KCNIP4: variants seen among roughly 807,000 people sequenced by gnomAD.
KCNIP4 encodes Kv channel-interacting protein 4.
KCNIP4 carries 12 observed loss-of-function variants against 34.0 expected under a neutral mutation model. The ratio of observed to expected loss-of-function variants is 0.35; its 90% confidence interval spans 0.23 to 0.57. KCNIP4 has a LOEUF of 0.57. Ranked by LOEUF, KCNIP4 falls within the 20% of genes least tolerant of loss-of-function variation. The pLI is 0.83. For synonymous variants in KCNIP4, 124 were observed against 102.2 expected, an observed-to-expected ratio of 1.21 and a Z score of -1.29; for missense variants, 238 against 311.7, an observed-to-expected ratio of 0.76 and a Z score of 1.78.
chr4:21,485,262 T>A (rs1004214548), intron 1 of KCNIP4, among the ~76,000 whole-genome samples: 2 of 152,144 alleles, frequency 1.3e-5, no homozygotes, highest in African/African-American at 2.4e-5. Context: ...TTTAAAAAAA[T>A]TATTAAATGC....
intron 1 of KCNIP4, among the ~76,000 whole-genome samples, chr4:21,421,963 T>C (rs1725488099): frequency 6.6e-6 from 1 of 152,216 alleles, no homozygotes; most frequent in African/African-American, 2.4e-5. Context: ...TTCAATATTA[T>C]CTGTAGTCTC....
intron 1 of KCNIP4, among the ~76,000 whole-genome samples, chr4:21,243,271 A>G (rs1759984140): frequency 6.6e-6 from 1 of 152,176 alleles, no homozygotes; most frequent in Non-Finnish European, 1.5e-5. Context: ...TACAATAAAG[A>G]CTTCAAAGTA....
intron 3 of KCNIP4, among the ~76,000 whole-genome samples, chr4:20,763,625 T>G (rs1201506449): frequency 6.6e-6 from 1 of 152,104 alleles, no homozygotes; most frequent in Non-Finnish European, 1.5e-5. Context: ...AATGCAGATT[T>G]GTAAAGAGTT....
chr4:21,578,190 C>T (rs1740895054), intron 1 of KCNIP4, among the ~76,000 whole-genome samples: 1 of 151,758 alleles, frequency 6.6e-6, no homozygotes, highest in African/African-American at 2.4e-5. Context: ...AAAAATTAGC[C>T]GGGCGTGGTA....
chr4:21,095,147 ACACT>A (rs1445768753), intron 1 of KCNIP4, among the ~76,000 whole-genome samples: 4 of 152,242 alleles, frequency 2.6e-5, no homozygotes, highest in African/African-American at 4.8e-5. Flanking sequence ...TAAAGATCAG[ACACT>A]CACAGTTTGA....
chr4:21,762,307 C>T (rs977263303), intron 1 of KCNIP4, among the ~76,000 whole-genome samples: 5 of 152,022 alleles, frequency 3.3e-5, no homozygotes, highest in African/African-American at 1.2e-4. Context: ...CCACACATCC[C>T]AATTTGGACC....
intron 1 of KCNIP4, chr4:21,762,888 T>C: frequency 8.0e-7 from 1 of 1,252,952 alleles, no homozygotes; most frequent in Non-Finnish European, 1.0e-6. Context: ...GGGAGGGGGG[T>C]GTAGGTGGAT....
At chr4:20,983,321 T>C (rs577029956) in intron 1 of KCNIP4, among the ~76,000 whole-genome samples, 24 of 152,314 alleles carry the variant, frequency 1.6e-4, no homozygotes, top group African/African-American at 5.5e-4. Flanking sequence ...GAGCACCCAT[T>C]AACTCAATTT....
chr4:21,914,566 C>G (rs1728524806), intron 1 of KCNIP4, among the ~76,000 whole-genome samples: 1 of 152,032 alleles, frequency 6.6e-6, no homozygotes, highest in Non-Finnish European at 1.5e-5. Flanking sequence ...CTGGTTTATC[C>G]CTTCTCTTCA....
chr4:21,005,887 T>A (rs534060124), intron 1 of KCNIP4, among the ~76,000 whole-genome samples: 1 of 152,306 alleles, frequency 6.6e-6, no homozygotes, highest in East Asian at 1.9e-4. Flanking sequence ...TAAAACATAC[T>A]CTTTCCCCTG....
chr4:20,829,822 G>A (rs979628361), intron 3 of KCNIP4, among the ~76,000 whole-genome samples: 2 of 151,892 alleles, frequency 1.3e-5, no homozygotes, highest in African/African-American at 2.4e-5. Context: ...TTGTCCTTTC[G>A]GTGATCTCAT....
At chr4:21,413,038 G>C (rs953486172) in intron 1 of KCNIP4, among the ~76,000 whole-genome samples, 1 of 152,186 alleles carries the variant, frequency 6.6e-6, no homozygotes, top group African/African-American at 2.4e-5. Context: ...GGACTGGCAA[G>C]TAGCCCATAT....
chr4:21,195,178 G>T (rs1755967905), intron 1 of KCNIP4, among the ~76,000 whole-genome samples: 1 of 152,174 alleles, frequency 6.6e-6, no homozygotes, highest in African/African-American at 2.4e-5. Context: ...AGGTACAGAT[G>T]CCAGTCACTT....
chr4:21,171,689 G>A (rs1577825708), intron 1 of KCNIP4, among the ~76,000 whole-genome samples: 1 of 152,090 alleles, frequency 6.6e-6, no homozygotes, highest in East Asian at 1.9e-4. Flanking sequence ...CCTTGGCCAA[G>A]TCACCAAGTG....
intron 1 of KCNIP4, among the ~76,000 whole-genome samples, chr4:21,603,295 G>A (rs1278297672): frequency 6.6e-6 from 1 of 151,998 alleles, no homozygotes; most frequent in Non-Finnish European, 1.5e-5. Context: ...AAAGCCATAA[G>A]AGATCATAGA....
At chr4:21,372,211 C>G (rs1720511602) in intron 1 of KCNIP4, among the ~76,000 whole-genome samples, 1 of 147,252 alleles carries the variant, frequency 6.8e-6, no homozygotes, top group African/African-American at 2.7e-5. Flanking sequence ...TAAATAGAGT[C>G]TTATCTCACC....
rs189034852 is a variant in KCNIP4 at position 21,862,676 on chromosome 4, G to A, written c.61+85895C>T. 1.9e-4 allele frequency among the ~76,000 whole-genome samples: 29 copies of A among 152,262 alleles called. No individual in the cohort carries two copies. In the East Asian group the frequency reaches 2.9e-3, roughly 15 times the overall value. ...CAATAAATATTTGTTAAATGAATAC[G>A]TAAACAGAATTAAGGGGCCCAGCGT... On this transcript the variant is annotated intron_variant, in intron 1 of 8. Coordinates refer to ENST00000382152, the MANE Select transcript of KCNIP4 (RefSeq NM_025221.6).
intron 1 of KCNIP4, among the ~76,000 whole-genome samples, chr4:21,444,963 A>T (rs1727843873): frequency 6.6e-6 from 1 of 152,186 alleles, no homozygotes; most frequent in Non-Finnish European, 1.5e-5. Flanking sequence ...AATCACAAGC[A>T]TTCTTATACA....
chr4:21,697,370 A>C (rs1254721759), intron 1 of KCNIP4: 1 of 1,537,696 alleles, frequency 6.5e-7, no homozygotes, highest in Non-Finnish European at 8.7e-7. Flanking sequence ...AGAACCTGTT[A>C]ATAGTCTGAG....
Sources: allele counts gnomAD v4.1 joint callset (sites outside exome capture counted in the v4.1 genomes callset), GRCh38; gene constraint gnomAD v4.1.1; transcripts MANE v1.5; gene names NCBI Gene and HGNC (gene_info 2026-07-23, HGNC 2026-07-21).